The following OXR1 variants were observed in gnomAD, a reference collection of about 807,000 sequenced individuals.
The protein encoded by OXR1 is oxidation resistance 1, also known as oxidation resistance protein 1.
OXR1 carries 41 observed loss-of-function variants against 104.6 expected under a neutral mutation model. That is an observed-to-expected ratio of 0.39 (90% CI 0.31 to 0.51). The LOEUF is 0.51. Ranked by LOEUF, OXR1 falls within the 20% of genes least tolerant of loss-of-function variation. The pLI, the probability that OXR1 is intolerant of heterozygous loss-of-function variation, is 0.77. For synonymous variants in OXR1, 348 were observed against 348.4 expected (o/e 1.00, Z 0.01); for missense variants, 955 against 1,031.9 (o/e 0.93, Z 1.02).
At chr8:106,611,388 T>C (rs1490050785) in intron 3 of OXR1, among the ~76,000 whole-genome samples, 4 of 152,202 alleles carry the variant, frequency 2.6e-5, no homozygotes, top group Non-Finnish European at 4.4e-5. Flanking sequence ...GAGCAGTGAA[T>C]GTGCTTTGTC....
chr8:106,733,514 T>G (rs1252088863), intron 11 of OXR1, among the ~76,000 whole-genome samples: 1 of 152,230 alleles, frequency 6.6e-6, no homozygotes, highest in Non-Finnish European at 1.5e-5. Flanking sequence ...AGATTTAATT[T>G]GATTCCATAT....
intron 1 of OXR1, among the ~76,000 whole-genome samples, chr8:106,349,337 G>C (rs1338712109): frequency 6.6e-6 from 1 of 151,986 alleles, no homozygotes; most frequent in African/African-American, 2.4e-5. Flanking sequence ...TAGGATGTTT[G>C]TCCATTTTTA....
intron 1 of OXR1, among the ~76,000 whole-genome samples, chr8:106,291,203 C>A (rs549668370): frequency 6.6e-6 from 1 of 152,162 alleles, no homozygotes; most frequent in South Asian, 2.1e-4. Flanking sequence ...CCAAATACTG[C>A]ATGTTTTCAC....
intron 1 of OXR1, among the ~76,000 whole-genome samples, chr8:106,339,520 ATATATATATAT>A (rs1241840053): frequency 0.021 from 172 of 8,166 alleles, 3 homozygotes; most frequent in African/African-American, 0.033. Context: ...AAAAAAAAAA[ATATATATATAT>A]ATATATATAT....
chr8:106,556,452 G>C (rs756715197), intron 3 of OXR1, among the ~76,000 whole-genome samples: 2 of 152,152 alleles, frequency 1.3e-5, no homozygotes, highest in African/African-American at 2.4e-5. Context: ...TAAGAAGCCA[G>C]TCATGTAAAC....
chr8:106,707,682 T>A (rs1831276908), intron 9 of OXR1: 1 of 158,580 alleles, frequency 6.3e-6, no homozygotes, highest in Non-Finnish European at 1.4e-5. Flanking sequence ...AAACACTATT[T>A]TATCTGTCAG....
chr8:106,389,663 A>G (rs896874577), intron 2 of OXR1, among the ~76,000 whole-genome samples: 1 of 152,246 alleles, frequency 6.6e-6, no homozygotes, highest in South Asian at 2.1e-4. Flanking sequence ...TTCAACCTCA[A>G]TAAAACTGAT....
At chr8:106,371,997 C>T (rs1816725801) in intron 2 of OXR1, among the ~76,000 whole-genome samples, 1 of 152,222 alleles carries the variant, frequency 6.6e-6, no homozygotes. Context: ...TGCTGCCTCT[C>T]CCACAAGGAG....
At position 106,692,725 on chromosome 8, in the gene OXR1, AAG is replaced by A; in HGVS notation, c.526-1_526del. 4.9e-6 allele frequency: 7 copies of A among 1,437,178 alleles called. No individual in the cohort carries two copies. The highest frequency in any genetic ancestry group is 6.4e-6 in the Non-Finnish European group (7 of 1,086,700). 89.0% of individuals were successfully genotyped at this position (1,437,178 alleles called of 1,614,324 possible). A position where few individuals can be genotyped will look rare whatever the true frequency, so the allele number is the denominator to read the frequency against. On this transcript the variant is annotated splice_acceptor_variant, in intron 6 of 16. Transcript: ENST00000517566. LOFTEE classifies it high-confidence loss of function. The stretch of plus-strand genomic sequence containing the variant: ...TTTTCTTTCCTTTAAAAAAAAAAAA[AAG>A]AATCCTGATGTCCATCCAACAGAAG...
intron 1 of OXR1, among the ~76,000 whole-genome samples, chr8:106,335,291 A>C (rs1814911978): frequency 6.6e-6 from 1 of 152,156 alleles, no homozygotes; most frequent in Admixed American, 6.6e-5. Flanking sequence ...ACCCTCAAGT[A>C]TAAAATTACA....
At chr8:106,601,869 C>T (rs574227705) in intron 3 of OXR1, among the ~76,000 whole-genome samples, 23 of 152,244 alleles carry the variant, frequency 1.5e-4, no homozygotes, top group African/African-American at 5.3e-4. Flanking sequence ...GTGGGCCTGA[C>T]CTAGTCAAGG....
At chr8:106,537,684 A>AAAGAAGAAG (rs60476908) in intron 3 of OXR1, among the ~76,000 whole-genome samples, 30 of 150,846 alleles carry the variant, frequency 2.0e-4, no homozygotes, top group South Asian at 4.2e-4. Flanking sequence ...AGTATTTTAA[A>AAAGAAGAAG]AAGAAGAAGA....
intron 2 of OXR1, among the ~76,000 whole-genome samples, chr8:106,427,534 G>A (rs766099103): frequency 5.3e-5 from 8 of 152,094 alleles, no homozygotes; most frequent in Non-Finnish European, 2.9e-5. Context: ...GTACATTGTC[G>A]TCACTGTATA....
intron 3 of OXR1, among the ~76,000 whole-genome samples, chr8:106,549,882 C>T (rs1310264489): frequency 6.6e-6 from 1 of 152,186 alleles, no homozygotes; most frequent in African/African-American, 2.4e-5. Flanking sequence ...TTTTGGACAA[C>T]ACAAACAATC....
chr8:106,640,403 C>T (rs923860995), intron 3 of OXR1, among the ~76,000 whole-genome samples: 12 of 150,800 alleles, frequency 8.0e-5, no homozygotes, highest in Middle Eastern at 3.5e-3. Flanking sequence ...TATTAATGAA[C>T]TATATTTTAT....
At chr8:106,316,022 G>A (rs762519635) in intron 1 of OXR1, among the ~76,000 whole-genome samples, 4 of 152,222 alleles carry the variant, frequency 2.6e-5, no homozygotes, top group East Asian at 1.9e-4. Flanking sequence ...GAGGTAATTC[G>A]TCTGGGATAA....
intron 2 of OXR1, among the ~76,000 whole-genome samples, chr8:106,457,188 T>G (rs905373412): frequency 6.6e-6 from 1 of 152,156 alleles, no homozygotes; most frequent in Non-Finnish European, 1.5e-5. Context: ...TCACCTTTTA[T>G]TAAAAGATTA....
chr8:106,711,268 G>T (rs1340801582), intron 10 of OXR1, among the ~76,000 whole-genome samples: 1 of 152,054 alleles, frequency 6.6e-6, no homozygotes, highest in Non-Finnish European at 1.5e-5. Flanking sequence ...GGTTGTAAAA[G>T]ATGTCTATTG....
chr8:106,531,730 A>G (rs1814107707), intron 3 of OXR1, among the ~76,000 whole-genome samples: 1 of 152,190 alleles, frequency 6.6e-6, no homozygotes, highest in South Asian at 2.1e-4. Flanking sequence ...AAATCAGCAC[A>G]ATAATATTTA....
Sources: gnomAD v4.1 joint callset for allele counts (sites outside exome capture counted in the v4.1 genomes callset) on GRCh38, gnomAD v4.1.1 for gene constraint, MANE v1.5 for transcripts, NCBI Gene and HGNC (gene_info 2026-07-23, HGNC 2026-07-21) for gene names.